The following HIVEP1 variants were observed in gnomAD, a reference collection of about 807,000 sequenced individuals.
The protein encoded by HIVEP1 is zinc finger protein 40.
In HIVEP1, 36 loss-of-function variants were observed where a neutral mutation model predicts 180.0. The ratio of observed to expected loss-of-function variants is 0.20; its 90% CI spans 0.15 to 0.26. The LOEUF (loss-of-function observed/expected upper bound fraction) is 0.26, where lower values mean the gene tolerates loss of function less well. Among genes scored for constraint, HIVEP1 ranks in the 10% least tolerant of loss-of-function variants. The pLI is 1.00. For synonymous variants in HIVEP1, 1,239 were observed against 1,239.0 expected, an observed-to-expected ratio of 1.00 and a Z score of 0.00; for missense variants, 3,143 against 3,268.7, an observed-to-expected ratio of 0.96 and a Z score of 0.94.
Position 12,078,654 on chromosome 6 carries a change from C to G in HIVEP1, c.41-10530C>G, listed in dbSNP as rs527537242. Among the ~76,000 whole-genome samples, 45 of 137,600 alleles carry G rather than the reference C, an allele frequency of 3.3e-4. 1 individual carries two copies. The South Asian group carries it at 7.6e-3, about 23-fold the overall frequency. The allele number at this position is 137,600 out of a possible 152,430, so 90.3% of individuals were successfully genotyped here. ...ATATATACACACACACACACACATA[C>G]ATATATATACATATATATACACACA... On this transcript the variant is annotated intron_variant, in intron 2 of 8. Transcript: ENST00000379388.
At chr6:12,068,653 A>T (rs1222384835) in intron 2 of HIVEP1, among the ~76,000 whole-genome samples, 1 of 152,188 alleles carries the variant, frequency 6.6e-6, no homozygotes. Flanking sequence ...ATATGTGTAA[A>T]TCGTCACACA....
intron 2 of HIVEP1, among the ~76,000 whole-genome samples, chr6:12,032,305 A>AT (rs1330058534): frequency 6.6e-6 from 1 of 151,602 alleles, no homozygotes; most frequent in African/African-American, 2.4e-5. Flanking sequence ...TGCCCGGCTA[A>AT]TTTTTTGTAT....
the HIVEP1 span, among the ~76,000 whole-genome samples, chr6:12,194,361 C>CAGAG: frequency 8.2e-4 from 121 of 147,866 alleles, no homozygotes; most frequent in African/African-American, 2.9e-3. Flanking sequence ...AAGGAGAGTA[C>CAGAG]AGAGAGAGAG....
intron 2 of HIVEP1, among the ~76,000 whole-genome samples, chr6:12,027,244 G>A (rs1045263011): frequency 6.6e-6 from 1 of 152,190 alleles, no homozygotes; most frequent in African/African-American, 2.4e-5. Flanking sequence ...TTTCTGTGGA[G>A]GATTGCTGTA....
chr6:12,196,427 C>G, the HIVEP1 span, among the ~76,000 whole-genome samples: 2 of 152,192 alleles, frequency 1.3e-5, no homozygotes, highest in Non-Finnish European at 2.9e-5. Context: ...TATCATTACT[C>G]CAGAAGGGTT....
chr6:12,190,302 T>TA, the HIVEP1 span, among the ~76,000 whole-genome samples: 1 of 152,230 alleles, frequency 6.6e-6, no homozygotes, highest in East Asian at 1.9e-4. Context: ...AATAAGCGGG[T>TA]AGAAACATTT....
At chr6:12,178,845 C>T in the HIVEP1 span, among the ~76,000 whole-genome samples, 2 of 152,066 alleles carry the variant, frequency 1.3e-5, no homozygotes, top group Non-Finnish European at 2.9e-5. Flanking sequence ...AACCTAAATG[C>T]CTTTCAATAG....
At chr6:12,199,310 A>C in the HIVEP1 span, among the ~76,000 whole-genome samples, 1 of 151,468 alleles carries the variant, frequency 6.6e-6, no homozygotes, top group Non-Finnish European at 1.5e-5. Context: ...TCTTTATAGC[A>C]ATGTGAGAAC....
chr6:12,068,112 T>C (rs1771718120), intron 2 of HIVEP1, among the ~76,000 whole-genome samples: 1 of 152,154 alleles, frequency 6.6e-6, no homozygotes, highest in Non-Finnish European at 1.5e-5. Flanking sequence ...TTTTTTGAGA[T>C]GGAGTTTCGC....
chr6:12,118,051 G>A (rs1775327982), intron 3 of HIVEP1, among the ~76,000 whole-genome samples: 1 of 151,862 alleles, frequency 6.6e-6, no homozygotes, highest in South Asian at 2.1e-4. Context: ...ATAAAAAAAT[G>A]TTTGTTCAAC....
intron 3 of HIVEP1, among the ~76,000 whole-genome samples, chr6:12,108,651 C>A (rs1382854995): frequency 6.6e-6 from 1 of 152,234 alleles, no homozygotes; most frequent in Non-Finnish European, 1.5e-5. Flanking sequence ...CCCTCATTGC[C>A]CGGGGCCAGC....
At chr6:12,073,163 G>A (rs149992447) in intron 2 of HIVEP1, among the ~76,000 whole-genome samples, 161 of 152,258 alleles carry the variant, frequency 1.1e-3, no homozygotes, top group Admixed American at 3.0e-3. Flanking sequence ...TTTAGAGTAG[G>A]TCTGTTGAGT....
chr6:12,104,419 TC>T (rs1774303252), intron 3 of HIVEP1, among the ~76,000 whole-genome samples: 2 of 136,008 alleles, frequency 1.5e-5, no homozygotes, highest in Non-Finnish European at 1.6e-5. Flanking sequence ...TCTCTCCTTT[TC>T]TTTCCTTTTT....
chr6:12,037,789 CTTCTGGGGACAAGCTAAGGCT>C, intron 2 of HIVEP1: 1 of 456,728 alleles, frequency 2.2e-6, no homozygotes, highest in East Asian at 3.5e-5. Flanking sequence ...CAACCCCAAA[CTTCTGGGGACAAGCTAAGGCT>C]TGTCCCCTTC....
At chr6:12,053,213 A>G (rs1770647292) in intron 2 of HIVEP1, among the ~76,000 whole-genome samples, 1 of 152,072 alleles carries the variant, frequency 6.6e-6, no homozygotes, top group African/African-American at 2.4e-5. Flanking sequence ...AATATTTCCC[A>G]ATATGCTGTT....
At chr6:12,154,174 G>T (rs372821986) in intron 7 of HIVEP1, among the ~76,000 whole-genome samples, 11 of 152,306 alleles carry the variant, frequency 7.2e-5, no homozygotes, top group African/African-American at 2.6e-4. Flanking sequence ...ATTTATTCTA[G>T]TCGTCTCCAT....
rs181347535 is a variant in HIVEP1 at position 12,112,344 on chromosome 6, T to C, written c.95-7546T>C. Among the ~76,000 whole-genome samples the C allele has an allele frequency of 2.7e-3, 414 of 152,174 alleles. 7 individuals are homozygous for C. Among genetic ancestry groups the C allele is most frequent in the East Asian group, 9.6e-4 (5 of 5,192 alleles). ...TCTCTTTATCTTTGGTTTTCAGCAG[T>C]TTGAATATATTGTCTAAATTCTTTT... On this transcript the variant is annotated intron_variant, in intron 3 of 8. Coordinates refer to ENST00000379388, the MANE Select transcript of HIVEP1 (RefSeq NM_002114.4).
intron 2 of HIVEP1, among the ~76,000 whole-genome samples, chr6:12,069,968 C>G (rs1217387798): frequency 1.3e-5 from 2 of 152,120 alleles, no homozygotes; most frequent in East Asian, 3.9e-4. Flanking sequence ...CTAAGACACA[C>G]ACACACACAT....
chr6:12,167,648 T>TATTTGTTATATATACATATATAC (rs1562023652), downstream of HIVEP1, among the ~76,000 whole-genome samples: 2 of 88,484 alleles, frequency 2.3e-5, no homozygotes, highest in African/African-American at 1.2e-4. Flanking sequence ...TACATATACA[T>TATTTGTTATATATACATATATAC]ATATATGTTA....
Sources: allele counts gnomAD v4.1 joint callset (sites outside exome capture counted in the v4.1 genomes callset), GRCh38; gene constraint gnomAD v4.1.1; transcripts MANE v1.5; gene names NCBI Gene and HGNC (gene_info 2026-07-23, HGNC 2026-07-21).